VWF: variants seen among roughly 807,000 people sequenced by gnomAD.
VWF encodes Factor VIII related antigen.
Under a neutral mutation model 308.6 loss-of-function variants are expected in VWF, and 176 were observed. That is an observed-to-expected ratio of 0.57 (90% CI 0.50 to 0.65). The LOEUF (loss-of-function observed/expected upper bound fraction) is 0.65, where lower values mean the gene tolerates loss of function less well. Ranked by LOEUF, VWF falls within the 30% of genes least tolerant of loss-of-function variation. VWF has a pLI of 0.00. For missense variants in VWF, 3,146 were observed against 3,648.2 expected (o/e 0.86, Z 3.55); for synonymous variants, 1,385 against 1,443.4 (o/e 0.96, Z 0.92).
rs1943780644 is a variant in VWF, at chr12:5,994,185, C to T, written c.6275G>A (p.Gly2092Glu). 1.2e-6 allele frequency: 2 copies of T among 1,613,936 alleles called. No homozygotes were observed. The highest frequency in any genetic ancestry group is 3.3e-5 in the Admixed American group (2 of 60,000). The change falls in exon 37 of 52, where the codon GGA (glycine) becomes GAA (glutamate). Residue 2092 changes from glycine to glutamate, a missense_variant. This residue lies in a region of VWF where 989 missense variants were observed against 1,117.4 expected (regional missense o/e 0.89). Transcript: ENST00000261405. ...ATCCCTCAGCATGAAGTCATTGGCT[C>T]CGTTCTCATCACAGATCCCTAGAGA... Reference protein sequence around the residue: ...YGLCGICDENGANDFMLRDGT... With the variant: ...YGLCGICDENEANDFMLRDGT...
intron 6 of VWF, among the ~76,000 whole-genome samples, chr12:6,093,381 G>A (rs943990612): frequency 8.5e-5 from 13 of 152,222 alleles, no homozygotes; most frequent in East Asian, 3.9e-4. Flanking sequence ...GACCAACAGG[G>A]GCCACTCCAC....
chr12:5,969,446 C>G (rs1943444958), intron 44 of VWF, 55 bp from the exon 45 acceptor site: 2 of 1,606,282 alleles, frequency 1.2e-6, no homozygotes, highest in Admixed American at 3.4e-5. Context: ...AGCCCAGGGT[C>G]CCATTGGGAA....
chr12:6,072,430 A>T lies in VWF; in HGVS notation c.1010T>A (p.Leu337Gln). ...GCTCTCCACGCAGAGGCCTTCATCC[A>T]GGAGCTGTCCCTCTGGGGTCAAGGG... Reference protein sequence around the residue: ...DGCSCPEGQLLDEGLCVESTE... With the variant: ...DGCSCPEGQLQDEGLCVESTE... Residue 337 changes from leucine (L) to glutamine (Q), a missense_variant, in exon 9 of 52, where the codon CTG becomes CAG. By Grantham distance (113) the Leu-to-Gln change is moderately radical (BLOSUM62 -2). This residue lies in a region of VWF where 1,304 missense variants were observed against 1,353.0 expected (regional missense o/e 0.96). Coordinates refer to ENST00000261405, the MANE Select transcript of VWF (RefSeq NM_000552.5). The T allele has an allele frequency of 6.2e-7, 1 of 1,614,094 alleles. No homozygotes were observed. The highest frequency in any genetic ancestry group is 1.3e-5 in the African/African-American group (1 of 75,040).
At chr12:6,102,627 C>A (rs112282784) in intron 5 of VWF, among the ~76,000 whole-genome samples, 27 of 151,358 alleles carry the variant, frequency 1.8e-4, no homozygotes, top group Non-Finnish European at 1.6e-4. Flanking sequence ...CCCAGCTACT[C>A]AGGAGGCTGA....
At position 6,036,484 on chromosome 12, in the gene VWF, T is replaced by A; in HGVS notation, c.2450A>T (p.His817Leu). ...GCLCPPGMVR[H>L]ENRCVALERC... ...TTCCAGGGCCACACATCTGTTCTCA[T>A]GCCGGACCTAAGAGAAAAGAATCCA... The change falls in exon 19 of 52, where the codon CAT becomes CTT. Residue 817 changes from histidine (H) to leucine (L), a missense_variant. Transcript: ENST00000261405. 1 of 1,614,186 alleles carries A rather than the reference T, an allele frequency of 6.2e-7. No homozygotes were observed. Among genetic ancestry groups the A allele is most frequent in the East Asian group, 2.2e-5 (1 of 44,886 alleles).
At chr12:6,109,171 A>G (rs1247779272) in intron 5 of VWF, among the ~76,000 whole-genome samples, 2 of 152,052 alleles carry the variant, frequency 1.3e-5, no homozygotes, top group African/African-American at 2.4e-5. Flanking sequence ...CTTGAGCCCA[A>G]GAGTTCAAGA....
intron 5 of VWF, among the ~76,000 whole-genome samples, chr12:6,103,371 T>TGTGTGTATACACAC (rs1249648271): frequency 5.2e-5 from 7 of 134,440 alleles, no homozygotes; most frequent in Non-Finnish European, 9.8e-5. Context: ...TATATATGTG[T>TGTGTGTATACACAC]GTGTGTGTAT....
intron 13 of VWF, among the ~76,000 whole-genome samples, chr12:6,062,070 A>T (rs1476939225): frequency 2.0e-5 from 3 of 152,234 alleles, no homozygotes; most frequent in Non-Finnish European, 2.9e-5. Flanking sequence ...GTTAATAAAT[A>T]CATATTTTAA....
In VWF at chr12:5,991,821, G is replaced by T. The variant is rs765308636; in HGVS notation, c.6796C>A (p.Gln2266Lys). 1 of 1,613,930 alleles carries T rather than the reference G, an allele frequency of 6.2e-7. No individual in the cohort carries two copies. The highest frequency in any genetic ancestry group is 8.5e-7 in the Non-Finnish European group (1 of 1,179,990). The change falls in exon 38 of 52, where the codon CAG (glutamine) becomes AAG (lysine). Residue 2266 changes from glutamine (Q) to lysine (K), a missense_variant and splice_region_variant. Gln to Lys is a moderately conservative substitution (Grantham distance 53, BLOSUM62 1). Transcript: ENST00000261405. Reference protein sequence around the residue: ...QCIGEDGVQHQFLEAWVPDHQ... With the variant: ...QCIGEDGVQHKFLEAWVPDHQ... ...AAGTGAAAGGCCCAGGCTCCTACCT[G>T]GTGCTGGACTCCATCCTCACCAATG...
chr12:6,083,827 T>C (rs932019758), intron 6 of VWF, among the ~76,000 whole-genome samples: 6 of 152,196 alleles, frequency 3.9e-5, no homozygotes, highest in Non-Finnish European at 7.3e-5. Context: ...CAGAGGGGTC[T>C]TGTGCAACCT....
chr12:6,052,659 G>T lies in VWF; in HGVS notation c.2070C>A (p.Pro690=), dbSNP rs761476221. 1.2e-6 allele frequency: 2 copies of T among 1,614,230 alleles called. No individual in the cohort carries two copies. Among genetic ancestry groups the T allele is most frequent in the East Asian group, 4.5e-5 (2 of 44,884 alleles). Reference sequence around the variant, plus strand: ...CCCTCTCATCCATGTAGAGCCCTGGGGGGCAGAAGCAGCCCTCCAGGCAGG... The same window carrying T: ...CCCTCTCATCCATGTAGAGCCCTGGTGGGCAGAAGCAGCCCTCCAGGCAGG... ...NEACLEGCFC[P]PGLYMDERGD... The change falls in exon 16 of 52, where the codon CCC becomes CCA. Residue 690 remains proline (P), a synonymous_variant. Transcript: ENST00000261405.
Position 5,971,621 on chromosome 12 carries a change from TC to T in VWF, c.7525del (p.Asp2509ThrfsTer28), listed in dbSNP as rs1591836930. ...TACACTCTTCCAGGAAGACTGGGAG[TC>T]CCCCCGCGGTGAGCCAGTCACCACC... ...CEVVTGSPRGDSQSSWKSVGS... is the reference protein window; with the variant it reads ...CEVVTGSPRGXSQSSWKSVGS... On this transcript the variant is annotated frameshift_variant, in exon 44 of 52. Coordinates refer to ENST00000261405, the MANE Select transcript of VWF (RefSeq NM_000552.5). LOFTEE classifies it high-confidence loss of function. 1.2e-6 allele frequency: 2 copies of T among 1,613,334 alleles called. No individual in the cohort carries two copies. Among genetic ancestry groups the T allele is most frequent in the Non-Finnish European group, 8.5e-7 (1 of 1,179,820 alleles).
intron 43 of VWF, among the ~76,000 whole-genome samples, chr12:5,972,319 A>G (rs1334881182): frequency 3.3e-5 from 5 of 152,248 alleles, no homozygotes; most frequent in Admixed American, 1.3e-4. Context: ...TTGTCAGCCC[A>G]TCTTGCCTCT....
At chr12:5,968,775 G>T (rs1289910811) in intron 45 of VWF, among the ~76,000 whole-genome samples, 1 of 152,208 alleles carries the variant, frequency 6.6e-6, no homozygotes, top group East Asian at 1.9e-4. Context: ...AGCCTATCCA[G>T]AGATAGCGCC....
chr12:6,099,248 A>G (rs1424759556), intron 5 of VWF, among the ~76,000 whole-genome samples: 3 of 149,274 alleles, frequency 2.0e-5, no homozygotes, highest in Non-Finnish European at 4.5e-5. Context: ...TGAACTGGGC[A>G]GAGGAGGTTG....
At chr12:5,983,936 T>A (rs140632025) in intron 40 of VWF, among the ~76,000 whole-genome samples, 418 of 149,610 alleles carry the variant, frequency 2.8e-3, no homozygotes, top group African/African-American at 0.01. Flanking sequence ...TAGATAGAGA[T>A]AGGACAGATG....
rs1411948890 is a variant in VWF, at chr12:6,123,289, T to A, written c.1-93A>T. 2.8e-6 allele frequency: 4 copies of A among 1,420,602 alleles called. No homozygotes were observed. In the South Asian group the frequency reaches 3.5e-5, roughly 12 times the overall value. The allele number at this position is 1,420,602 out of a possible 1,614,324, so 88.0% of individuals were successfully genotyped here. A position where few individuals can be genotyped will look rare whatever the true frequency, so the allele number is the denominator to read the frequency against. ...ATCAGGGCATGCAGTAGCAAAAACA[T>A]TTCTTTAAAGCAGGAGAAAAGATTG... On this transcript the variant is annotated intron_variant, in intron 1 of 51. Coordinates refer to ENST00000261405, the MANE Select transcript of VWF (RefSeq NM_000552.5).
At chr12:5,975,105 T>A (rs1233982814) in intron 43 of VWF, among the ~76,000 whole-genome samples, 2 of 152,224 alleles carry the variant, frequency 1.3e-5, no homozygotes, top group African/African-American at 4.8e-5. Flanking sequence ...CACAGCGTCA[T>A]CCTCTCCCAA....
intron 18 of VWF, among the ~76,000 whole-genome samples, chr12:6,039,271 G>C (rs1187298489): frequency 2.0e-5 from 3 of 152,156 alleles, no homozygotes; most frequent in African/African-American, 7.2e-5. Context: ...GTCCGAAAGG[G>C]GTCAGGCTGA....
Sources: gnomAD v4.1 joint callset for allele counts (sites outside exome capture counted in the v4.1 genomes callset) on GRCh38, gnomAD v4.1.1 for gene constraint, gnomAD v4.1.1 regional missense constraint, MANE v1.5 for transcripts, NCBI Gene and HGNC (gene_info 2026-07-23, HGNC 2026-07-21) for gene names.